The following ABLIM2 variants were observed in gnomAD, a reference collection of about 807,000 sequenced individuals.
The protein encoded by ABLIM2 is actin binding LIM protein family member 2.
Under a neutral mutation model 97.7 loss-of-function variants are expected in ABLIM2, and 53 were observed. The ratio of observed to expected loss-of-function variants is 0.54; its 90% CI spans 0.44 to 0.68. The LOEUF is 0.68. Ranked by LOEUF, ABLIM2 falls within the 30% of genes least tolerant of loss-of-function variation. The pLI, the probability that ABLIM2 is intolerant of heterozygous loss-of-function variation, is 0.00. For synonymous variants in ABLIM2, 361 were observed against 345.8 expected, an observed-to-expected ratio of 1.04 and a Z score of -0.49; for missense variants, 835 against 867.2, an observed-to-expected ratio of 0.96 and a Z score of 0.47.
rs760825800 is a variant in ABLIM2, at chr4:8,124,439, T to G, written c.11-17802A>C. On this transcript the variant is annotated intron_variant, in intron 1 of 20. Transcript: ENST00000447017. This position sits in a 1 kb window ranked among gnomAD's most constrained non-coding sequence, Gnocchi z 6.1. ...ACTCCCGTTTTCCCTCCGCAGCCCC[T>G]GGTAACAACTGGTCTGTCTCTGTGG... Among the ~76,000 whole-genome samples, 5 of 152,220 alleles carry G rather than the reference T, an allele frequency of 3.3e-5. No homozygotes were observed. The highest frequency in any genetic ancestry group is 5.9e-5 in the Non-Finnish European group (4 of 68,042).
chr4:8,023,443 A>G lies in ABLIM2; in HGVS notation c.1268-3140T>C, dbSNP rs58470006. ...GTTTTCTCATGGCGATACTGGGCTT[A>G]TGGGGTTGAGAAGGAAGCCCATGAG... On this transcript the variant is annotated intron_variant, in intron 12 of 20. Coordinates refer to ENST00000447017, the MANE Select transcript of ABLIM2 (RefSeq NM_001130083.2). This position sits in a 1 kb window ranked among gnomAD's most constrained non-coding sequence, Gnocchi z 5.7. Among the ~76,000 whole-genome samples, 9,553 of 152,262 alleles carry G rather than the reference A, an allele frequency of 0.063. 1,003 individuals are homozygous for G. Among genetic ancestry groups the G allele is most frequent in the African/African-American group, 0.22 (8,970 of 41,512 alleles).
At chr4:8,030,641 C>T (rs1038611394) in intron 10 of ABLIM2, among the ~76,000 whole-genome samples, 1 of 152,236 alleles carries the variant, frequency 6.6e-6, no homozygotes, top group Non-Finnish European at 1.5e-5. Flanking sequence ...ACCTGCGCTT[C>T]ACCCTGCTCC....
chr4:8,056,240 T>C (rs1283153086), intron 7 of ABLIM2, among the ~76,000 whole-genome samples: 1 of 151,454 alleles, frequency 6.6e-6, no homozygotes, highest in Non-Finnish European at 1.5e-5. Flanking sequence ...GGCTGCCTTA[T>C]AGTACAGGTG....
chr4:8,083,849 G>GAACC lies in ABLIM2; in HGVS notation c.455-3051_455-3048dup. 6.6e-6 allele frequency among the ~76,000 whole-genome samples: 1 copy of GAACC among 152,234 alleles called. No individual in the cohort carries two copies. Among genetic ancestry groups the GAACC allele is most frequent in the African/African-American group, 2.4e-5 (1 of 41,542 alleles). On this transcript the variant is annotated intron_variant, in intron 4 of 20. Coordinates refer to ENST00000447017, the MANE Select transcript of ABLIM2 (RefSeq NM_001130083.2). The surrounding 1 kb of genome is among the most constrained non-coding windows in gnomAD (Gnocchi z 4.6). ...CAGCAGCAATGGCATAACCCTCCTA[G>GAACC]AACCTTCCACTTTCCTATTTTCCCC...
In ABLIM2 at chr4:8,002,536, C is replaced by T. The variant is rs539025582; in HGVS notation, c.1618+5523G>A. ...GCAACATCTCCTGTCACGCTCGTGT[C>T]GTGCTGACGTTCCCCTCCCTGGCAC... is the stretch of plus-strand genomic sequence containing the variant. On this transcript the variant is annotated intron_variant, in intron 16 of 20. Transcript: ENST00000447017. This position sits in a 1 kb window ranked among gnomAD's most constrained non-coding sequence, Gnocchi z 6.1. 3.3e-5 allele frequency among the ~76,000 whole-genome samples: 5 copies of T among 152,218 alleles called. No individual in the cohort carries two copies. The highest frequency in any genetic ancestry group is 7.3e-5 in the Non-Finnish European group (5 of 68,034).
Position 8,146,860 on chromosome 4 carries a change from C to T in ABLIM2, c.10+11820G>A, listed in dbSNP as rs548365419. The stretch of plus-strand genomic sequence containing the variant: ...ATGTTTTTTTAAATTGTTTTAATTT[C>T]GAATACAATAAATATCAAGAAATAT... On this transcript the variant is annotated intron_variant, in intron 1 of 20. Transcript: ENST00000447017. Among the ~76,000 whole-genome samples, 14 of 152,012 alleles carry T rather than the reference C, an allele frequency of 9.2e-5. No homozygotes were observed. In the South Asian group the frequency reaches 1.5e-3, roughly 16 times the overall value.
intron 1 of ABLIM2, among the ~76,000 whole-genome samples, chr4:8,119,187 G>T (rs1844143016): frequency 6.6e-6 from 1 of 152,120 alleles, no homozygotes; most frequent in African/African-American, 2.4e-5. Context: ...TCTCAGGGTG[G>T]GGTGTGGGGC....
intron 8 of ABLIM2, among the ~76,000 whole-genome samples, chr4:8,048,430 A>G (rs1314483762): frequency 6.6e-6 from 1 of 152,102 alleles, no homozygotes; most frequent in South Asian, 2.1e-4. Context: ...GTCACTGGGG[A>G]GGCCTGCCAT....
In ABLIM2 at chr4:8,022,503, T is replaced by C. The variant is rs59410793; in HGVS notation, c.1268-2200A>G. Among the ~76,000 whole-genome samples, 11,915 of 152,260 alleles carry C rather than the reference T, an allele frequency of 0.078. 1,530 individuals carry two copies. The highest frequency in any genetic ancestry group is 0.27 in the African/African-American group (11,180 of 41,510). ...GACACAGCCATGTTGGCCCACCTCA[T>C]TCTGGCCCCCCAGGGCCCTCTAACA... On this transcript the variant is annotated intron_variant, in intron 12 of 20. Transcript: ENST00000447017. This position sits in a 1 kb window ranked among gnomAD's most constrained non-coding sequence, Gnocchi z 7.8.
At chr4:8,101,989 G>A (rs926182144) in intron 2 of ABLIM2, among the ~76,000 whole-genome samples, 3 of 152,114 alleles carry the variant, frequency 2.0e-5, no homozygotes, top group African/African-American at 7.2e-5. Context: ...CAGCCTAGGT[G>A]CCCGCACCTG....
At chr4:7,987,954 C>T (rs1023578504) in intron 17 of ABLIM2, among the ~76,000 whole-genome samples, 6 of 152,176 alleles carry the variant, frequency 3.9e-5, no homozygotes, top group Non-Finnish European at 7.3e-5. Context: ...GACTCCCCTA[C>T]GCCGCTCAGT....
chr4:8,036,516 C>T (rs1055804854), intron 9 of ABLIM2, among the ~76,000 whole-genome samples: 8 of 152,260 alleles, frequency 5.3e-5, no homozygotes, highest in East Asian at 1.9e-4. Context: ...GGGGTCACAG[C>T]GCTTTGGGCA....
In ABLIM2 at chr4:8,132,585, A is replaced by G. The variant is rs1466242197; in HGVS notation, c.11-25948T>C. 6.6e-6 allele frequency among the ~76,000 whole-genome samples: 1 copy of G among 151,950 alleles called. No individual in the cohort carries two copies. Among genetic ancestry groups the G allele is most frequent in the African/African-American group, 2.4e-5 (1 of 41,366 alleles). ...CTCACGGTCAGAAAACAGAATGCGG[A>G]AGGCCTGCTCACTGCCACCCTCCCT... On this transcript the variant is annotated intron_variant, in intron 1 of 20. Transcript: ENST00000447017. The surrounding 1 kb of genome is among the most constrained non-coding windows in gnomAD (Gnocchi z 8.0).
At chr4:8,107,674 G>C (rs994948593) in intron 1 of ABLIM2, among the ~76,000 whole-genome samples, 3 of 152,240 alleles carry the variant, frequency 2.0e-5, no homozygotes, top group African/African-American at 7.2e-5. Context: ...TCTGTAGCTA[G>C]TGCTGCAGTC....
At chr4:8,080,315 C>G (rs577340247) in intron 5 of ABLIM2, among the ~76,000 whole-genome samples, 1 of 152,136 alleles carries the variant, frequency 6.6e-6, no homozygotes, top group Admixed American at 6.5e-5. Flanking sequence ...ATCCAGGCGC[C>G]GGAAAGGCAG....
intron 7 of ABLIM2, among the ~76,000 whole-genome samples, chr4:8,056,137 A>AAAAAAAAAAAAAAT (rs1798972452): frequency 7.0e-6 from 1 of 142,442 alleles, no homozygotes; most frequent in African/African-American, 2.5e-5. Flanking sequence ...AAAAAAAAAA[A>AAAAAAAAAAAAAAT]AAGTAACAGA....
At chr4:8,158,089 G>A (rs1317344793) in intron 1 of ABLIM2, among the ~76,000 whole-genome samples, 3 of 152,238 alleles carry the variant, frequency 2.0e-5, no homozygotes, top group African/African-American at 7.2e-5. Flanking sequence ...GGAAAGGCAG[G>A]GGTGCGACGC....
chr4:8,148,481 C>T lies in ABLIM2; in HGVS notation c.10+10199G>A, dbSNP rs1368090253. Among the ~76,000 whole-genome samples, 1 of 152,154 alleles carries T rather than the reference C, an allele frequency of 6.6e-6. No individual in the cohort carries two copies. The highest frequency in any genetic ancestry group is 1.5e-5 in the Non-Finnish European group (1 of 68,020). ...CTGCAGCTGGCACGGTGCTTCTCAGCCGAATCACCTCGGGAGAGTTACCTA... is the reference window on the plus strand; with the variant it reads ...CTGCAGCTGGCACGGTGCTTCTCAGTCGAATCACCTCGGGAGAGTTACCTA... On this transcript the variant is annotated intron_variant, in intron 1 of 20. Transcript: ENST00000447017. This position sits in a 1 kb window ranked among gnomAD's most constrained non-coding sequence, Gnocchi z 6.7.
chr4:8,111,476 G>C (rs1012052040), intron 1 of ABLIM2, among the ~76,000 whole-genome samples: 1 of 152,176 alleles, frequency 6.6e-6, no homozygotes, highest in Non-Finnish European at 1.5e-5. Flanking sequence ...TATGAACTTC[G>C]CTTAAGAATA....
Sources: allele counts gnomAD v4.1 joint callset (sites outside exome capture counted in the v4.1 genomes callset), GRCh38; gene constraint gnomAD v4.1.1; non-coding constraint Gnocchi (gnomAD v3.1); transcripts MANE v1.5; gene names NCBI Gene and HGNC (gene_info 2026-07-23, HGNC 2026-07-21).